The following CELSR1 variants were observed in gnomAD, a reference collection of about 807,000 sequenced individuals.
CELSR1 encodes adhesion G protein-coupled receptor C1.
Under a neutral mutation model 249.1 loss-of-function variants are expected in CELSR1, and 110 were observed. The ratio of observed to expected loss-of-function variants is 0.44; its 90% CI spans 0.38 to 0.52. CELSR1 has a LOEUF of 0.52. Among genes scored for constraint, CELSR1 ranks in the 20% least tolerant of loss-of-function variants. The pLI, the probability that CELSR1 is intolerant of heterozygous loss-of-function variation, is 0.00. For missense variants in CELSR1, 4,109 were observed against 4,296.4 expected, an observed-to-expected ratio of 0.96 and a Z score of 1.22; for synonymous variants, 2,113 against 1,900.0, an observed-to-expected ratio of 1.11 and a Z score of -2.92.
At chr22:46,523,336 C>A (rs1014946383) in intron 1 of CELSR1, among the ~76,000 whole-genome samples, 5 of 152,056 alleles carry the variant, frequency 3.3e-5, no homozygotes, top group Admixed American at 6.6e-5. Context: ...CGAGACCAGC[C>A]TGGCCAAAGT....
At position 46,364,767 on chromosome 22, in the gene CELSR1, G is replaced by A. The variant is rs79806198; in HGVS notation, c.8555-31C>T. ...GCACGAGAGCGGTGCTCAGCAGGCA[G>A]CGGCACTGCCACTCGAGCTGCTCCC... On this transcript the variant is annotated intron_variant, in intron 32 of 34. Transcript: ENST00000674500. 5.9e-3 allele frequency: 9,342 copies of A among 1,593,342 alleles called. 473 individuals are homozygous for A. The African/African-American group carries it at 0.1, about 18-fold the overall frequency.
At position 46,433,368 on chromosome 22, in the gene CELSR1, G is replaced by A; in HGVS notation, c.4611+25C>T. ...CCTTCTCGAGCCGCCCTGGGGCCAG[G>A]GGGAAGTGGTGGGGCCCATCTTACC... is the stretch of plus-strand genomic sequence containing the variant. On this transcript the variant is annotated intron_variant, in intron 5 of 34. Transcript: ENST00000674500. The surrounding 1 kb of genome is among the most constrained non-coding windows in gnomAD (Gnocchi z 5.7). 6.3e-7 allele frequency: 1 copy of A among 1,599,094 alleles called. No individual in the cohort carries two copies. Among genetic ancestry groups the A allele is most frequent in the Non-Finnish European group, 8.6e-7 (1 of 1,168,092 alleles).
chr22:46,461,753 C>A (rs944447893), intron 2 of CELSR1, among the ~76,000 whole-genome samples: 1 of 152,224 alleles, frequency 6.6e-6, no homozygotes, highest in Admixed American at 6.5e-5. Flanking sequence ...CTCTTGGGAG[C>A]GTAACAGGCC....
At chr22:46,416,752 T>C (rs2079407007) in intron 5 of CELSR1, among the ~76,000 whole-genome samples, 1 of 152,184 alleles carries the variant, frequency 6.6e-6, no homozygotes, top group Non-Finnish European at 1.5e-5. Flanking sequence ...CTCTTCTTAT[T>C]TTCCTTCGAG....
intron 14 of CELSR1, among the ~76,000 whole-genome samples, chr22:46,392,913 A>G (rs899271739): frequency 3.9e-5 from 6 of 152,050 alleles, no homozygotes; most frequent in Admixed American, 2.6e-4. Flanking sequence ...TGCACTCCCC[A>G]TGTTCTCTCT....
chr22:46,424,646 A>G (rs143720950), intron 5 of CELSR1, among the ~76,000 whole-genome samples: 18 of 151,976 alleles, frequency 1.2e-4, no homozygotes, highest in Admixed American at 2.0e-4. Flanking sequence ...GGCAACCACT[A>G]CTCTGTTTTC....
intron 25 of CELSR1, 125 bp from the exon 26 acceptor site, chr22:46,369,929 A>G: frequency 1.2e-6 from 1 of 802,480 alleles, no homozygotes; most frequent in East Asian, 2.7e-5. Flanking sequence ...GGAAGGAGCA[A>G]GGAGTCCAGG....
At position 46,391,941 on chromosome 22, in the gene CELSR1, C is replaced by T. The variant is rs2147256780; in HGVS notation, c.5965-125G>A. 1.0e-6 allele frequency: 1 copy of T among 985,836 alleles called. No individual in the cohort carries two copies. The highest frequency in any genetic ancestry group is 1.7e-5 in the South Asian group (1 of 60,338). The allele number at this position is 985,836 out of a possible 1,614,324, so 61.1% of individuals were successfully genotyped here. A position where few individuals can be genotyped will look rare whatever the true frequency, so the allele number is the denominator to read the frequency against. On this transcript the variant is annotated intron_variant, in intron 14 of 34. Transcript: ENST00000674500. This position sits in a 1 kb window ranked among gnomAD's most constrained non-coding sequence, Gnocchi z 4.3. ...TGTGTGTTGGCCGCCAGCCATCCCACCCCTCATGGCTACCCTCTGCCCACA... is the reference window on the plus strand; with the variant it reads ...TGTGTGTTGGCCGCCAGCCATCCCATCCCTCATGGCTACCCTCTGCCCACA...
At chr22:46,387,481 A>G (rs553358337) in intron 18 of CELSR1, among the ~76,000 whole-genome samples, 40 of 147,214 alleles carry the variant, frequency 2.7e-4, no homozygotes, top group African/African-American at 1.0e-3. Flanking sequence ...CCCGGGTTCA[A>G]GCAATTCTCG....
rs1173909940 is a variant in CELSR1, at chr22:46,512,798, A to C, written c.3544+20829T>G. Reference sequence around the variant, plus strand: ...TCCAGAGGAATTATTCAGACAAGCTACCCATGTGCCCCTGCAAGAACCAGG... The same window carrying C: ...TCCAGAGGAATTATTCAGACAAGCTCCCCATGTGCCCCTGCAAGAACCAGG... On this transcript the variant is annotated intron_variant, in intron 1 of 34. Coordinates refer to ENST00000674500, the MANE Select transcript of CELSR1 (RefSeq NM_001378328.1). This position sits in a 1 kb window ranked among gnomAD's most constrained non-coding sequence, Gnocchi z 5.2. 6.6e-6 allele frequency among the ~76,000 whole-genome samples: 1 copy of C among 152,088 alleles called. No homozygotes were observed. Among genetic ancestry groups the C allele is most frequent in the East Asian group, 1.9e-4 (1 of 5,186 alleles).
Position 46,365,622 on chromosome 22 carries a change from C to T in CELSR1, c.8368G>A (p.Ala2790Thr), listed in dbSNP as rs371505101. The change falls in exon 31 of 35, where the codon GCG becomes ACG. Residue 2790 changes from alanine to threonine, a missense_variant. Physicochemically the swap from Ala to Thr is moderately conservative, Grantham distance 58. Transcript: ENST00000674500. ...LVRGSHGEPD[A>T]SLMPRSCKDP... ...TTGCAGCTCCTGGGCATGAGGGACG[C>T]GTCTGGCTCTCCGTGGCTGCCCCTC... 53 of 1,594,522 alleles carry T rather than the reference C, an allele frequency of 3.3e-5. No homozygotes were observed. Among genetic ancestry groups the T allele is most frequent in the South Asian group, 1.1e-4 (10 of 87,822 alleles).
chr22:46,465,288 T>C (rs1349706430), intron 1 of CELSR1, among the ~76,000 whole-genome samples: 1 of 138,596 alleles, frequency 7.2e-6, no homozygotes, highest in Admixed American at 7.1e-5. Context: ...GCTCGGATTC[T>C]GTGTTCCAGG....
In CELSR1 at chr22:46,506,768, G is replaced by A. The variant is rs112892124; in HGVS notation, c.3544+26859C>T. Among the ~76,000 whole-genome samples, 54 of 152,336 alleles carry A rather than the reference G, an allele frequency of 3.5e-4. No individual in the cohort carries two copies. Among genetic ancestry groups the A allele is most frequent in the Middle Eastern group, 3.4e-3 (1 of 294 alleles). ...TGCCACCATCCAAATGTGGACAGAT[G>A]CTGAGATCTCTCCGGAAAGATGCCC... On this transcript the variant is annotated intron_variant, in intron 1 of 34. Transcript: ENST00000674500. The surrounding 1 kb of genome is among the most constrained non-coding windows in gnomAD (Gnocchi z 4.1).
chr22:46,393,262 G>A lies in CELSR1; in HGVS notation c.5964+880C>T, dbSNP rs929531047. Among the ~76,000 whole-genome samples the A allele has an allele frequency of 6.6e-6, 1 of 152,218 alleles. No individual in the cohort carries two copies. Among genetic ancestry groups the A allele is most frequent in the African/African-American group, 2.4e-5 (1 of 41,454 alleles). On this transcript the variant is annotated intron_variant, in intron 14 of 34. Coordinates refer to ENST00000674500, the MANE Select transcript of CELSR1 (RefSeq NM_001378328.1). This position sits in a 1 kb window ranked among gnomAD's most constrained non-coding sequence, Gnocchi z 4.1. The stretch of plus-strand genomic sequence containing the variant: ...GAAGGAGGTGATGTATCCTGAGAGG[G>A]CTGGGGAGGGGTCCCTAGAGTCTGC...
At position 46,517,352 on chromosome 22, in the gene CELSR1, C is replaced by T. The variant is rs756505889; in HGVS notation, c.3544+16275G>A. 2.0e-5 allele frequency among the ~76,000 whole-genome samples: 3 copies of T among 152,228 alleles called. No homozygotes were observed. The highest frequency in any genetic ancestry group is 6.5e-5 in the Admixed American group (1 of 15,290). On this transcript the variant is annotated intron_variant, in intron 1 of 34. Coordinates refer to ENST00000674500, the MANE Select transcript of CELSR1 (RefSeq NM_001378328.1). This position sits in a 1 kb window ranked among gnomAD's most constrained non-coding sequence, Gnocchi z 5.4. ...TCCCGGGCCAAACCGGAGACTTGGA[C>T]GGCCGTCCAACACCAAAGCCACCGG...
At chr22:46,385,811 G>A (rs1319437114) in intron 19 of CELSR1, among the ~76,000 whole-genome samples, 2 of 151,604 alleles carry the variant, frequency 1.3e-5, no homozygotes, top group African/African-American at 4.8e-5. Context: ...CCGAGTAGCT[G>A]GGACTACAAA....
Position 46,397,675 on chromosome 22 carries a change from T to C in CELSR1, c.5700A>G (p.Lys1900=). 1 of 1,503,128 alleles carries C rather than the reference T, an allele frequency of 6.7e-7. No homozygotes were observed. 93.1% of individuals were successfully genotyped at this position (1,503,128 alleles called of 1,614,324 possible). A position where few individuals can be genotyped will look rare whatever the true frequency, so the allele number is the denominator to read the frequency against. ...AGGGCCCCGGGAGGGCGGTCCCACC[T>C]TTGTCACAGACGCAGCTGTAGTCCT... is the stretch of plus-strand genomic sequence containing the variant. The part of the protein sequence containing the change: ...AWEDYSCVCD[K]GYLGINCVDA... The change falls in exon 12 of 35, where the codon AAA becomes AAG. Residue 1900 remains lysine (K), a splice_region_variant and synonymous_variant. Transcript: ENST00000674500.
intron 1 of CELSR1, among the ~76,000 whole-genome samples, chr22:46,528,920 C>A (rs937699745): frequency 6.9e-6 from 1 of 145,622 alleles, no homozygotes; most frequent in African/African-American, 2.6e-5. Flanking sequence ...CAGAGCGAGA[C>A]TCTGTCTCAA....
Position 46,374,325 on chromosome 22 carries a change from G to A in CELSR1, c.7585-1268C>T, listed in dbSNP as rs969829265. ...AAACCACCTTTTGAAAACAAAGTGC[G>A]AGGGCTGTGCCATCCTGGCTGCAGC... On this transcript the variant is annotated intron_variant, in intron 24 of 34. Transcript: ENST00000674500. This position sits in a 1 kb window ranked among gnomAD's most constrained non-coding sequence, Gnocchi z 4.3. 1.3e-5 allele frequency among the ~76,000 whole-genome samples: 2 copies of A among 152,198 alleles called. No homozygotes were observed. Among genetic ancestry groups the A allele is most frequent in the East Asian group, 1.9e-4 (1 of 5,206 alleles).
Sources: allele counts gnomAD v4.1 joint callset (sites outside exome capture counted in the v4.1 genomes callset), GRCh38; gene constraint gnomAD v4.1.1; non-coding constraint Gnocchi (gnomAD v3.1); transcripts MANE v1.5; gene names NCBI Gene and HGNC (gene_info 2026-07-23, HGNC 2026-07-21).